The following PTPRD variants were observed in gnomAD, a reference collection of about 807,000 sequenced individuals.
PTPRD encodes receptor-type tyrosine-protein phosphatase delta.
PTPRD carries 34 observed loss-of-function variants against 214.5 expected under a neutral mutation model. That is an observed-to-expected ratio of 0.16 (90% CI 0.12 to 0.21). The LOEUF is 0.21. PTPRD is among the 10% of genes least tolerant of loss of function. The pLI is 1.00. For missense variants in PTPRD, 2,545 were observed against 2,398.7 expected (o/e 1.06, Z -1.27); for synonymous variants, 1,128 against 845.7 (o/e 1.33, Z -5.79).
chr9:10,110,071 T>A (rs1340514955), intron 3 of PTPRD, among the ~76,000 whole-genome samples: 1 of 152,164 alleles, frequency 6.6e-6, no homozygotes, highest in East Asian at 1.9e-4. Flanking sequence ...ATTTATTGTT[T>A]GTTATTAATT....
intron 3 of PTPRD, among the ~76,000 whole-genome samples, chr9:10,215,276 G>C (rs887806263): frequency 2.0e-5 from 3 of 149,844 alleles, no homozygotes; most frequent in Non-Finnish European, 1.5e-5. Flanking sequence ...GATGGATTTG[G>C]AGAAAAAAAA....
intron 14 of PTPRD, among the ~76,000 whole-genome samples, chr9:8,614,162 A>G (rs887314777): frequency 6.6e-6 from 1 of 152,144 alleles, no homozygotes; most frequent in African/African-American, 2.4e-5. Context: ...AAGCAATGGT[A>G]TTACACTGAG....
intron 9 of PTPRD, among the ~76,000 whole-genome samples, chr9:9,249,603 C>G (rs963182158): frequency 2.0e-5 from 3 of 152,040 alleles, no homozygotes; most frequent in Non-Finnish European, 4.4e-5. Flanking sequence ...CTGTTTCTCC[C>G]TCCCTCTTCC....
chr9:10,220,475 T>C (rs1187283655), intron 3 of PTPRD, among the ~76,000 whole-genome samples: 2 of 151,964 alleles, frequency 1.3e-5, no homozygotes, highest in African/African-American at 2.4e-5. Flanking sequence ...TCCAGTTCTT[T>C]TCCATTGTGC....
At chr9:10,229,967 T>C (rs1312746224) in intron 3 of PTPRD, among the ~76,000 whole-genome samples, 2 of 151,994 alleles carry the variant, frequency 1.3e-5, no homozygotes, top group Non-Finnish European at 2.9e-5. Context: ...ATTAATACAC[T>C]CGTATATATT....
chr9:10,126,422 T>C (rs2098819723), intron 3 of PTPRD, among the ~76,000 whole-genome samples: 1 of 47,128 alleles, frequency 2.1e-5, no homozygotes, highest in African/African-American at 5.3e-5. Context: ...TACTGTTTTA[T>C]ATATACACAC....
At chr9:9,800,473 G>A (rs2099032041) in intron 5 of PTPRD, 1 of 152,128 alleles carries the variant, frequency 6.6e-6, no homozygotes, top group East Asian at 1.9e-4. Context: ...GGAGAAAAAG[G>A]GTAAAAGCAA....
chr9:10,022,490 G>A (rs1242614238), intron 4 of PTPRD, among the ~76,000 whole-genome samples: 1 of 151,880 alleles, frequency 6.6e-6, no homozygotes, highest in Non-Finnish European at 1.5e-5. Context: ...AAGATTATTA[G>A]TATTAGGTTG....
chr9:10,031,647 T>TATATATACATACACACACACACAC, intron 4 of PTPRD, among the ~76,000 whole-genome samples: 1 of 89,650 alleles, frequency 1.1e-5, no homozygotes, highest in African/African-American at 8.1e-5. Context: ...TATATATATA[T>TATATATACATACACACACACACAC]ACACACACAC....
intron 11 of PTPRD, among the ~76,000 whole-genome samples, chr9:8,903,863 T>A (rs2098689651): frequency 6.6e-6 from 1 of 152,202 alleles, no homozygotes; most frequent in Non-Finnish European, 1.5e-5. Context: ...AATATTGTTT[T>A]ATGTTCCACA....
chr9:8,699,346 C>G (rs79656375), intron 12 of PTPRD, among the ~76,000 whole-genome samples: 4,191 of 152,260 alleles, frequency 0.028, 114 homozygotes, highest in Non-Finnish European at 0.039. Context: ...TCTGTCAATA[C>G]ACCTCATATC....
chr9:9,163,797 A>T (rs956607921), intron 10 of PTPRD, among the ~76,000 whole-genome samples: 1 of 152,216 alleles, frequency 6.6e-6, no homozygotes, highest in Non-Finnish European at 1.5e-5. Context: ...TGTTGTCCAG[A>T]TATACTGAAC....
At chr9:10,418,256 T>C (rs1044825799) in intron 2 of PTPRD, among the ~76,000 whole-genome samples, 1 of 151,818 alleles carries the variant, frequency 6.6e-6, no homozygotes, top group Non-Finnish European at 1.5e-5. Flanking sequence ...ACAAATATAA[T>C]AGCATTATGT....
intron 31 of PTPRD, among the ~76,000 whole-genome samples, chr9:8,468,905 G>C (rs1416962634): frequency 6.6e-6 from 1 of 151,172 alleles, no homozygotes; most frequent in Admixed American, 6.6e-5. Flanking sequence ...ATGGTTACAA[G>C]ATGTACTGGA....
chr9:9,495,093 G>A (rs533756625), intron 8 of PTPRD, among the ~76,000 whole-genome samples: 1 of 152,160 alleles, frequency 6.6e-6, no homozygotes, highest in East Asian at 1.9e-4. Context: ...AAATGGTACT[G>A]GGAAGACTAG....
At chr9:9,150,359 T>C (rs1293491342) in intron 10 of PTPRD, among the ~76,000 whole-genome samples, 1 of 150,910 alleles carries the variant, frequency 6.6e-6, no homozygotes, top group Non-Finnish European at 1.5e-5. Context: ...TGATAAATAG[T>C]ATAAGCACAG....
At chr9:8,534,164 A>T (rs1322434377) in intron 14 of PTPRD, among the ~76,000 whole-genome samples, 1 of 152,016 alleles carries the variant, frequency 6.6e-6, no homozygotes, top group Non-Finnish European at 1.5e-5. Flanking sequence ...CACACAATTT[A>T]GTCCTTGCTT....
intron 5 of PTPRD, among the ~76,000 whole-genome samples, chr9:9,779,111 G>A (rs1007518279): frequency 5.8e-5 from 5 of 85,602 alleles, no homozygotes; most frequent in African/African-American, 2.5e-4. Flanking sequence ...AAAAGCAATG[G>A]GGAAAGGACT....
chr9:10,058,938 T>C (rs370813405), intron 3 of PTPRD, among the ~76,000 whole-genome samples: 2 of 152,134 alleles, frequency 1.3e-5, no homozygotes, highest in East Asian at 3.9e-4. Flanking sequence ...TTCTCTGAAA[T>C]AGGTAGAATT....
Sources: gnomAD v4.1 joint callset for allele counts (sites outside exome capture counted in the v4.1 genomes callset) on GRCh38, gnomAD v4.1.1 for gene constraint, MANE v1.5 for transcripts, NCBI Gene and HGNC (gene_info 2026-07-23, HGNC 2026-07-21) for gene names.